The following STXBP6 variants were observed in gnomAD, a reference collection of about 807,000 sequenced individuals.
The protein encoded by STXBP6 is syntaxin binding protein 6, also known as syntaxin-binding protein 6.
In STXBP6, 21 loss-of-function variants were observed where a neutral mutation model predicts 26.9. That is an observed-to-expected ratio of 0.78 (90% confidence interval 0.55 to 1.12). The LOEUF (loss-of-function observed/expected upper bound fraction) is 1.12, where lower values mean the gene tolerates loss of function less well. Ranked by LOEUF, STXBP6 falls within the 50% of genes most tolerant of loss-of-function variation. The pLI is 0.00. For synonymous variants in STXBP6, 97 were observed against 92.6 expected (o/e 1.05, Z -0.27); for missense variants, 232 against 257.9 (o/e 0.90, Z 0.69).
At chr14:24,993,469 T>A (rs578111355) in intron 1 of STXBP6, among the ~76,000 whole-genome samples, 1 of 152,302 alleles carries the variant, frequency 6.6e-6, no homozygotes, top group African/African-American at 2.4e-5. Context: ...CAAGATGCCA[T>A]CATCTTCTGC....
At chr14:24,930,840 G>A (rs918142950) in intron 2 of STXBP6, among the ~76,000 whole-genome samples, 3 of 151,778 alleles carry the variant, frequency 2.0e-5, no homozygotes, top group Admixed American at 6.6e-5. Context: ...GGCCGGGCGC[G>A]GTGGCTCACG....
chr14:24,916,323 G>A (rs2071763580), intron 2 of STXBP6, among the ~76,000 whole-genome samples: 1 of 152,096 alleles, frequency 6.6e-6, no homozygotes, highest in Non-Finnish European at 1.5e-5. Flanking sequence ...AAATCAGCCA[G>A]TTGGACGCTG....
chr14:24,996,864 C>CAAAAAAAAAA (rs753413417), intron 1 of STXBP6, among the ~76,000 whole-genome samples: 1 of 60,900 alleles, frequency 1.6e-5, no homozygotes. Context: ...AACTCTGTCT[C>CAAAAAAAAAA]AAAAAAAAAA....
At chr14:24,818,275 A>G (rs1464839725) in intron 5 of STXBP6, among the ~76,000 whole-genome samples, 6 of 152,178 alleles carry the variant, frequency 3.9e-5, no homozygotes, top group Non-Finnish European at 8.8e-5. Flanking sequence ...CACCTGACCA[A>G]CAGGGCCTCT....
chr14:24,884,033 T>A (rs1042464885), intron 2 of STXBP6, among the ~76,000 whole-genome samples: 1 of 152,154 alleles, frequency 6.6e-6, no homozygotes, highest in Admixed American at 6.5e-5. Flanking sequence ...TTCTCTTTAA[T>A]AAATTTCATA....
intron 2 of STXBP6, among the ~76,000 whole-genome samples, chr14:24,886,061 TC>T (rs2070572681): frequency 6.6e-6 from 1 of 152,118 alleles, no homozygotes; most frequent in Non-Finnish European, 1.5e-5. Flanking sequence ...AGTTGGTTAA[TC>T]CCCCTCTTCT....
At chr14:24,846,481 CATACCATA>C (rs2068966437) in intron 4 of STXBP6, among the ~76,000 whole-genome samples, 1 of 152,154 alleles carries the variant, frequency 6.6e-6, no homozygotes, top group Non-Finnish European at 1.5e-5. Flanking sequence ...TATTTGTCTA[CATACCATA>C]AACGTTCTTT....
chr14:24,825,503 G>A (rs1158242262), intron 4 of STXBP6, among the ~76,000 whole-genome samples: 1 of 152,180 alleles, frequency 6.6e-6, no homozygotes, highest in African/African-American at 2.4e-5. Context: ...TACTTTGTAA[G>A]TCCATAAATG....
intron 2 of STXBP6, among the ~76,000 whole-genome samples, chr14:24,880,582 C>T (rs965372130): frequency 6.6e-6 from 1 of 152,120 alleles, no homozygotes; most frequent in African/African-American, 2.4e-5. Context: ...TGCTCCCTAC[C>T]ATCTGGTGCT....
intron 4 of STXBP6, among the ~76,000 whole-genome samples, chr14:24,836,115 T>C (rs1055468682): frequency 6.6e-6 from 1 of 152,246 alleles, no homozygotes; most frequent in Admixed American, 6.5e-5. Flanking sequence ...TCAGGGTGTG[T>C]ATGAAATCAT....
At chr14:24,822,251 G>C (rs1294509050) in intron 4 of STXBP6, among the ~76,000 whole-genome samples, 1 of 152,080 alleles carries the variant, frequency 6.6e-6, no homozygotes, top group East Asian at 1.9e-4. Context: ...AAATCTGGGA[G>C]TCTAGTCTAG....
chr14:24,898,407 G>A (rs1175223216), intron 2 of STXBP6, among the ~76,000 whole-genome samples: 1 of 152,144 alleles, frequency 6.6e-6, no homozygotes, highest in African/African-American at 2.4e-5. Flanking sequence ...GGCTGGGTGC[G>A]GCGGGTCATG....
intron 2 of STXBP6, among the ~76,000 whole-genome samples, chr14:24,892,830 G>C (rs2070843077): frequency 6.6e-6 from 1 of 152,214 alleles, no homozygotes; most frequent in African/African-American, 2.4e-5. Flanking sequence ...GCAGGAGCAG[G>C]GGCTTGGGCA....
chr14:24,827,163 C>A (rs531378562), intron 4 of STXBP6, among the ~76,000 whole-genome samples: 2 of 152,098 alleles, frequency 1.3e-5, no homozygotes, highest in East Asian at 3.9e-4. Context: ...ATGGAGCCAC[C>A]GCACTCCAGT....
At chr14:25,014,322 C>T (rs2075099700) in intron 1 of STXBP6, among the ~76,000 whole-genome samples, 1 of 152,078 alleles carries the variant, frequency 6.6e-6, no homozygotes, top group Admixed American at 6.6e-5. Flanking sequence ...TGGTGTAACC[C>T]CTTCTCTACC....
At chr14:24,829,072 G>T (rs562055205) in intron 4 of STXBP6, among the ~76,000 whole-genome samples, 1 of 152,014 alleles carries the variant, frequency 6.6e-6, no homozygotes, top group Admixed American at 6.6e-5. Context: ...TGCCCCCTGT[G>T]CCCCCACTAA....
At chr14:25,003,122 A>G (rs2074805842) in intron 1 of STXBP6, among the ~76,000 whole-genome samples, 1 of 152,234 alleles carries the variant, frequency 6.6e-6, no homozygotes, top group Non-Finnish European at 1.5e-5. Flanking sequence ...AAACTGACAA[A>G]AGAAGCAAGA....
chr14:25,019,008 C>A (rs540320280), intron 1 of STXBP6, among the ~76,000 whole-genome samples: 1 of 152,178 alleles, frequency 6.6e-6, no homozygotes, highest in Non-Finnish European at 1.5e-5. Context: ...AAGCAATACT[C>A]GGTAGGCTTC....
intron 1 of STXBP6, among the ~76,000 whole-genome samples, chr14:25,045,955 A>G (rs888157313): frequency 6.6e-6 from 1 of 152,174 alleles, no homozygotes; most frequent in African/African-American, 2.4e-5. Context: ...CTGAAATCAG[A>G]AAAAGAATGT....
Sources: gnomAD v4.1 joint callset for allele counts (sites outside exome capture counted in the v4.1 genomes callset) on GRCh38, gnomAD v4.1.1 for gene constraint, MANE v1.5 for transcripts, NCBI Gene and HGNC (gene_info 2026-07-23, HGNC 2026-07-21) for gene names.